The following ARHGAP31 variants were observed in gnomAD, a reference collection of about 807,000 sequenced individuals.
The protein encoded by ARHGAP31 is Rho GTPase activating protein 31.
A neutral mutation model predicts 113.9 loss-of-function variants in ARHGAP31; 34 were observed. The ratio of observed to expected loss-of-function variants is 0.30; its 90% CI spans 0.23 to 0.40. The LOEUF is 0.40. ARHGAP31 is among the 10% of genes least tolerant of loss of function. The pLI, the probability that ARHGAP31 is intolerant of heterozygous loss-of-function variation, is 1.00. For synonymous variants in ARHGAP31, 650 were observed against 684.8 expected (o/e 0.95, Z 0.79); for missense variants, 1,548 against 1,767.1 (o/e 0.88, Z 2.22).
intron 1 of ARHGAP31, among the ~76,000 whole-genome samples, chr3:119,359,143 G>A (rs2080183393): frequency 6.6e-6 from 1 of 151,680 alleles, no homozygotes. Flanking sequence ...TCAGCCTCCT[G>A]AGTAGCTGGG....
At chr3:119,349,273 A>AAG (rs2080089742) in intron 1 of ARHGAP31, among the ~76,000 whole-genome samples, 1 of 152,192 alleles carries the variant, frequency 6.6e-6, no homozygotes, top group Non-Finnish European at 1.5e-5. Context: ...AGCAAAACAG[A>AAG]AGCTCATAGA....
chr3:119,381,657 TCCTGC>T lies in ARHGAP31; in HGVS notation c.432-630_432-626del, dbSNP rs1174593915. Among the ~76,000 whole-genome samples, 13 of 152,304 alleles carry T rather than the reference TCCTGC, an allele frequency of 8.5e-5. No individual in the cohort carries two copies. The South Asian group carries it at 2.7e-3, about 32-fold the overall frequency. The stretch of plus-strand genomic sequence containing the variant: ...CTATTTCAAAACTGCTTGGAGGCCA[TCCTGC>T]CCTGGTTGAAAGGACGAACAAATGG... On this transcript the variant is annotated intron_variant, in intron 4 of 11. Coordinates refer to ENST00000264245, the MANE Select transcript of ARHGAP31 (RefSeq NM_020754.4).
chr3:119,368,647 A>G, intron 3 of ARHGAP31, 131 bp downstream of exon 3: 1 of 1,208,572 alleles, frequency 8.3e-7, no homozygotes, highest in South Asian at 1.4e-5. Flanking sequence ...TGAGGGAAGT[A>G]GGATAATATG....
intron 1 of ARHGAP31, among the ~76,000 whole-genome samples, chr3:119,338,645 G>A (rs2079979908): frequency 6.6e-6 from 1 of 152,060 alleles, no homozygotes. Context: ...TCTCATTGAA[G>A]CTCAGAATTC....
chr3:119,386,558 AG>A (rs2080450344), intron 6 of ARHGAP31, among the ~76,000 whole-genome samples: 1 of 152,244 alleles, frequency 6.6e-6, no homozygotes, highest in South Asian at 2.1e-4. Flanking sequence ...CCAGCCCTAC[AG>A]GGTCAGTGGG....
At chr3:119,369,343 G>A (rs1292374271) in intron 3 of ARHGAP31, among the ~76,000 whole-genome samples, 1 of 152,200 alleles carries the variant, frequency 6.6e-6, no homozygotes. Context: ...ATGGAATGTA[G>A]TGTAGATACG....
intron 5 of ARHGAP31, among the ~76,000 whole-genome samples, 158 bp from the exon 6 acceptor site, chr3:119,382,926 T>C (rs1424750509): frequency 2.0e-5 from 3 of 152,242 alleles, no homozygotes; most frequent in Non-Finnish European, 4.4e-5. Context: ...CTTCACAGCC[T>C]TTGGAGAGTT....
chr3:119,356,976 C>T (rs889507527), intron 1 of ARHGAP31, among the ~76,000 whole-genome samples: 5 of 152,180 alleles, frequency 3.3e-5, no homozygotes, highest in African/African-American at 1.2e-4. Context: ...GTCAAATTGC[C>T]CTCCAGAGGT....
intron 11 of ARHGAP31, among the ~76,000 whole-genome samples, chr3:119,410,400 C>A (rs1309335497): frequency 6.6e-6 from 1 of 152,096 alleles, no homozygotes; most frequent in African/African-American, 2.4e-5. Context: ...ATTTGAGAGG[C>A]AGCTCTGTGA....
intron 1 of ARHGAP31, among the ~76,000 whole-genome samples, chr3:119,334,295 C>T (rs552933091): frequency 2.0e-5 from 3 of 152,300 alleles, no homozygotes; most frequent in East Asian, 1.9e-4. Context: ...GGGCTCCTGT[C>T]GGACCAGACA....
chr3:119,374,157 G>A (rs1356009495), intron 3 of ARHGAP31, among the ~76,000 whole-genome samples: 2 of 152,160 alleles, frequency 1.3e-5, no homozygotes, highest in Non-Finnish European at 2.9e-5. Flanking sequence ...TAATGTTGGA[G>A]GTAGGGTCCT....
intron 1 of ARHGAP31, among the ~76,000 whole-genome samples, chr3:119,353,975 T>C (rs1270056116): frequency 6.6e-6 from 1 of 152,118 alleles, no homozygotes; most frequent in Admixed American, 6.5e-5. Flanking sequence ...GAGACAGCAT[T>C]GACAGCAGAG....
At chr3:119,395,794 G>A (rs912823383) in intron 8 of ARHGAP31, among the ~76,000 whole-genome samples, 5 of 152,168 alleles carry the variant, frequency 3.3e-5, no homozygotes, top group Non-Finnish European at 7.3e-5. Context: ...GGGCAGAAGG[G>A]AAATGGATTC....
intron 1 of ARHGAP31, among the ~76,000 whole-genome samples, chr3:119,322,410 C>G (rs111615352): frequency 1.9e-4 from 29 of 152,222 alleles, no homozygotes; most frequent in Admixed American, 3.9e-4. Flanking sequence ...GGATTTTGTT[C>G]GTGGACTTGC....
At chr3:119,296,876 A>T (rs1276039852) in intron 1 of ARHGAP31, among the ~76,000 whole-genome samples, 2 of 152,220 alleles carry the variant, frequency 1.3e-5, no homozygotes, top group African/African-American at 4.8e-5. Flanking sequence ...ACAGCTAATC[A>T]TGAAGGATCG....
chr3:119,398,262 T>G (rs1217524031), intron 8 of ARHGAP31, among the ~76,000 whole-genome samples: 1 of 151,976 alleles, frequency 6.6e-6, no homozygotes, highest in Non-Finnish European at 1.5e-5. Flanking sequence ...AATAAGACCC[T>G]GTCTTAAAAA....
chr3:119,416,238 G>A lies in ARHGAP31; in HGVS notation c.4309G>A (p.Gly1437Arg), dbSNP rs759331848. Residue 1437 changes from glycine (G) to arginine (R), a missense_variant, in exon 12 of 12, where the codon GGA (glycine) becomes AGA (arginine). Gly to Arg is a moderately radical substitution (Grantham distance 125). Coordinates refer to ENST00000264245, the MANE Select transcript of ARHGAP31 (RefSeq NM_020754.4). ...QPQRRSVILD[G>R]RSGRQIE ...TCAGCGGAGATCAGTAATTCTGGAT[G>A]GAAGAAGTGGGAGGCAAATAGAATG... is the stretch of plus-strand genomic sequence containing the variant. 2.5e-6 allele frequency: 4 copies of A among 1,613,980 alleles called. No homozygotes were observed. Among genetic ancestry groups the A allele is most frequent in the Non-Finnish European group, 3.4e-6 (4 of 1,180,044 alleles).
At chr3:119,368,658 G>T (rs1278144922) in intron 3 of ARHGAP31, 142 bp downstream of exon 3, 16 of 1,117,180 alleles carry the variant, frequency 1.4e-5, no homozygotes, top group Non-Finnish European at 2.1e-5. Flanking sequence ...GGATAATATG[G>T]TAAGGAAAAT....
chr3:119,380,154 G>A (rs1456702102), intron 3 of ARHGAP31, among the ~76,000 whole-genome samples: 1 of 152,168 alleles, frequency 6.6e-6, no homozygotes, highest in Non-Finnish European at 1.5e-5. Context: ...GCAAGTCTGG[G>A]CAAGGCCACC....
Sources: gnomAD v4.1 joint callset for allele counts (sites outside exome capture counted in the v4.1 genomes callset) on GRCh38, gnomAD v4.1.1 for gene constraint, MANE v1.5 for transcripts, NCBI Gene and HGNC (gene_info 2026-07-23, HGNC 2026-07-21) for gene names.